Variants in ADGRE1 observed in about 807,000 individuals in gnomAD.
ADGRE1 encodes the protein adhesion G protein-coupled receptor E1.
A neutral mutation model predicts 102.7 loss-of-function variants in ADGRE1; 82 were observed. The ratio of observed to expected loss-of-function variants is 0.80; its 90% CI spans 0.67 to 0.96. The LOEUF is 0.96. ADGRE1 is among the 40% of genes least tolerant of loss of function. The pLI, the probability that ADGRE1 is intolerant of heterozygous loss-of-function variation, is 0.00. For missense variants in ADGRE1, 1,032 were observed against 1,085.3 expected (o/e 0.95, Z 0.69); for synonymous variants, 398 against 399.6 (o/e 1.00, Z 0.05).
intron 5 of ADGRE1, chr19:6,898,833 C>A (rs1019992336): frequency 1.7e-5 from 7 of 409,748 alleles, no homozygotes; most frequent in African/African-American, 1.5e-4. Context: ...ATATATTTTT[C>A]TATCCCTTTA....
intron 5 of ADGRE1, among the ~76,000 whole-genome samples, chr19:6,898,082 A>G (rs1291772198): frequency 6.6e-6 from 1 of 152,086 alleles, no homozygotes; most frequent in Non-Finnish European, 1.5e-5. Flanking sequence ...GCATCCCAAG[A>G]GAACAAGGTG....
At chr19:6,896,111 T>A in intron 2 of ADGRE1, 1 of 297,642 alleles carries the variant, frequency 3.4e-6, no homozygotes, top group South Asian at 7.7e-5. Context: ...TGCATGGCAC[T>A]GTCCCTGTGC....
At chr19:6,931,691 G>A (rs138733587) in intron 17 of ADGRE1, among the ~76,000 whole-genome samples, 46 of 151,998 alleles carry the variant, frequency 3.0e-4, no homozygotes, top group African/African-American at 1.0e-3. Flanking sequence ...TCCCAGCCTC[G>A]GGAGGCTGAG....
chr19:6,898,404 C>A (rs913132050), intron 5 of ADGRE1: 17 of 1,601,790 alleles, frequency 1.1e-5, no homozygotes, highest in South Asian at 2.2e-5. Flanking sequence ...TAGATGGTTT[C>A]TCTTCTCCCA....
rs548660975 is a variant in ADGRE1 at position 6,928,541 on chromosome 19, C to T, written c.2289+330C>T. ...ACTTAGGAGGCTGAGGCAGGAGAAT[C>T]GCTTGAATCCAGGAGACATGGAGGT... On this transcript the variant is annotated intron_variant, in intron 17 of 20. Coordinates refer to ENST00000312053, the MANE Select transcript of ADGRE1 (RefSeq NM_001974.5). The T allele has an allele frequency of 1.3e-3, 488 of 362,520 alleles. 1 individual carries two copies. Among genetic ancestry groups the T allele is most frequent in the Non-Finnish European group, 2.1e-3 (412 of 198,680 alleles). The allele number at this position is 362,520 out of a possible 1,614,324, so 22.5% of individuals were successfully genotyped here.
At chr19:6,935,164 G>A (rs1021070261) in intron 18 of ADGRE1, 86 bp downstream of exon 18, 1 of 1,014,910 alleles carries the variant, frequency 9.9e-7, no homozygotes, top group Admixed American at 2.4e-5. Context: ...TTGTGTGCTG[G>A]GTCCTATGCC....
intron 10 of ADGRE1, among the ~76,000 whole-genome samples, chr19:6,909,103 C>T (rs1162127571): frequency 2.0e-5 from 3 of 147,130 alleles, no homozygotes; most frequent in Non-Finnish European, 4.5e-5. Context: ...CACTGCACTT[C>T]AGCCTTGGCA....
chr19:6,893,441 T>G (rs919184218), intron 2 of ADGRE1, among the ~76,000 whole-genome samples: 2 of 152,224 alleles, frequency 1.3e-5, no homozygotes, highest in African/African-American at 4.8e-5. Context: ...TCTCAGGTGA[T>G]CTGCCCGCCT....
intron 17 of ADGRE1, among the ~76,000 whole-genome samples, chr19:6,928,955 A>T (rs1975032992): frequency 8.0e-6 from 1 of 125,588 alleles, no homozygotes; most frequent in South Asian, 2.4e-4. Context: ...AAAAAAAAAA[A>T]AGTTCTCCCT....
chr19:6,924,991 G>A lies in ADGRE1; in HGVS notation c.1986+119G>A, dbSNP rs866006669. The A allele has an allele frequency of 1.0e-4, 104 of 1,018,532 alleles. 2 individuals carry two copies. In the South Asian group the frequency reaches 1.4e-3, roughly 13 times the overall value. 63.1% of individuals were successfully genotyped at this position (1,018,532 alleles called of 1,614,324 possible). On this transcript the variant is annotated intron_variant, in intron 15 of 20. Transcript: ENST00000312053. ...ACCTCAGGGCCTTTGCATATGCTGT[G>A]CCCTCTGCCTGTAACACTCACTTCC... is the stretch of plus-strand genomic sequence containing the variant.
rs1199712250 is a variant in ADGRE1 at position 6,887,596 on chromosome 19, G to T, written c.-13G>T. 6.2e-7 allele frequency: 1 copy of T among 1,612,210 alleles called. No individual in the cohort carries two copies. On this transcript the variant is annotated 5_prime_UTR_variant, in exon 1 of 21. The change creates a premature stop within an existing upstream ORF in the 5' untranslated region. Transcript: ENST00000312053. ...AAAAGTTTCTTTTCTTTGAATGACAGAACTACAGCATAATGCGTGGCTTCA... is the reference window on the plus strand; with the variant it reads ...AAAAGTTTCTTTTCTTTGAATGACATAACTACAGCATAATGCGTGGCTTCA...
At chr19:6,889,687 CAAA>C (rs1178774112) in intron 1 of ADGRE1, among the ~76,000 whole-genome samples, 3,132 of 41,334 alleles carry the variant, frequency 0.076, 22 homozygotes, top group Non-Finnish European at 0.11. Context: ...GACTCCATCT[CAAA>C]AAAAAAAAAA....
Position 6,921,721 on chromosome 19 carries a change from G to T in ADGRE1, c.1629G>T (p.Gln543His). 1 of 1,594,592 alleles carries T rather than the reference G, an allele frequency of 6.3e-7. No homozygotes were observed. The highest frequency in any genetic ancestry group is 8.5e-7 in the Non-Finnish European group (1 of 1,172,730). ...TTTTTTGTTTTTTTTAGCCAAAGCA[G>T]AAGTTTGAGAGGCCCATCTGTGTTT... The part of the protein sequence containing the change: ...IYTLENIQPK[Q>H]KFERPICVSW... Residue 543 changes from glutamine to histidine, a missense_variant, in exon 14 of 21, where the codon CAG becomes CAT. Coordinates refer to ENST00000312053, the MANE Select transcript of ADGRE1 (RefSeq NM_001974.5).
At chr19:6,896,241 A>G in intron 2 of ADGRE1, 157 bp from the exon 3 acceptor site, 1 of 657,930 alleles carries the variant, frequency 1.5e-6, no homozygotes, top group Non-Finnish European at 2.5e-6. Flanking sequence ...AAATAAGATG[A>G]AATTCACAGG....
chr19:6,896,747 T>G, intron 3 of ADGRE1: 1 of 567,982 alleles, frequency 1.8e-6, no homozygotes, highest in Non-Finnish European at 3.0e-6. Context: ...CATTGCTAGC[T>G]AGTGTTGCTA....
rs181562168 is a variant in ADGRE1, at chr19:6,932,340, C to T, written c.2290-2647C>T. 3.3e-3 allele frequency among the ~76,000 whole-genome samples: 495 copies of T among 152,048 alleles called. 2 individuals are homozygous for T. The highest frequency in any genetic ancestry group is 4.0e-3 in the Non-Finnish European group (274 of 67,972). ...AAAATCAGCCAGGCGTGGTGGTGCA[C>T]GCCTGTAGTCCCAGCTACTCAGGAG... On this transcript the variant is annotated intron_variant, in intron 17 of 20. Coordinates refer to ENST00000312053, the MANE Select transcript of ADGRE1 (RefSeq NM_001974.5).
intron 5 of ADGRE1, 32 bp downstream of exon 5, chr19:6,897,579 A>G (rs779172065): frequency 1.2e-5 from 18 of 1,492,242 alleles, no homozygotes; most frequent in Middle Eastern, 3.6e-4. Flanking sequence ...TTATTTACCT[A>G]CTTAATTAAT....
chr19:6,935,108 T>C, intron 18 of ADGRE1, 30 bp downstream of exon 18: 1 of 1,456,716 alleles, frequency 6.9e-7, no homozygotes, highest in Non-Finnish European at 9.1e-7. Flanking sequence ...CCCCCCCTCT[T>C]TTAATTTCCT....
At chr19:6,937,168 C>T in intron 18 of ADGRE1, 75 bp from the exon 19 acceptor site, 2 of 1,525,500 alleles carry the variant, frequency 1.3e-6, no homozygotes, top group Non-Finnish European at 1.8e-6. Context: ...CCACCTCAGA[C>T]CATTCCTGGA....
Sources: allele counts gnomAD v4.1 joint callset (sites outside exome capture counted in the v4.1 genomes callset), GRCh38; gene constraint gnomAD v4.1.1; transcripts MANE v1.5; gene names NCBI Gene and HGNC (gene_info 2026-07-23, HGNC 2026-07-21).